Variants in PLPP4 observed in about 807,000 individuals in gnomAD.
The protein encoded by PLPP4 is phospholipid phosphatase 4.
PLPP4 carries 20 observed loss-of-function variants against 32.2 expected under a neutral mutation model. The observed-to-expected ratio is 0.62, with a 90% CI of 0.44 to 0.90. The LOEUF is 0.90. PLPP4 is among the 40% of genes least tolerant of loss of function. The pLI is 0.00. For missense variants in PLPP4, 257 were observed against 353.1 expected (o/e 0.73, Z 2.18); for synonymous variants, 127 against 133.0 (o/e 0.95, Z 0.31).
Position 120,551,000 on chromosome 10 carries a change from A to G in PLPP4, c.446-24131A>G, listed in dbSNP as rs574580566. Among the ~76,000 whole-genome samples, 9 of 152,268 alleles carry G rather than the reference A, an allele frequency of 5.9e-5. No homozygotes were observed. In the East Asian group the frequency reaches 1.5e-3, roughly 26 times the overall value. On this transcript the variant is annotated intron_variant, in intron 5 of 6. Coordinates refer to ENST00000398250, the MANE Select transcript of PLPP4 (RefSeq NM_001030059.3). ...ATATTTACAGTTCATATGTCTCAAA[A>G]GGACTTGTGCATTCATATCCACAAT...
chr10:120,532,548 C>T (rs945927477), intron 5 of PLPP4, among the ~76,000 whole-genome samples: 1 of 152,066 alleles, frequency 6.6e-6, no homozygotes, highest in Non-Finnish European at 1.5e-5. Flanking sequence ...ACAGCATTTG[C>T]ACAATCACCA....
chr10:120,553,545 G>A (rs77989396), intron 5 of PLPP4, among the ~76,000 whole-genome samples: 5,638 of 152,296 alleles, frequency 0.037, 149 homozygotes, highest in Admixed American at 0.087. Flanking sequence ...CCCAGTGTAT[G>A]GTATTTGTTA....
rs530990845 is a variant in PLPP4, at chr10:120,591,465, A to G, written c.*1963A>G. On this transcript the variant is annotated 3_prime_UTR_variant, in exon 7 of 7. Transcript: ENST00000398250. ...TGTGAGATATTTTAAGAGATAAATC[A>G]TAGCAATTGAAAAGACATAATTTTA... Among the ~76,000 whole-genome samples the G allele has an allele frequency of 6.6e-6, 1 of 152,250 alleles. No homozygotes were observed. Among genetic ancestry groups the G allele is most frequent in the South Asian group, 2.1e-4 (1 of 4,836 alleles).
chr10:120,582,198 G>T, intron 6 of PLPP4, among the ~76,000 whole-genome samples: 1 of 152,330 alleles, frequency 6.6e-6, no homozygotes, highest in Middle Eastern at 3.4e-3. Flanking sequence ...TTGTCTCACC[G>T]TTCTGGAGGC....
At chr10:120,463,113 C>T (rs1007619272) in intron 1 of PLPP4, among the ~76,000 whole-genome samples, 4 of 150,894 alleles carry the variant, frequency 2.7e-5, no homozygotes, top group African/African-American at 4.9e-5. Context: ...CTGCAAGCTC[C>T]GCCTCCTGGG....
intron 6 of PLPP4, among the ~76,000 whole-genome samples, chr10:120,584,518 G>A (rs1849664372): frequency 6.6e-6 from 1 of 152,210 alleles, no homozygotes; most frequent in Admixed American, 6.5e-5. Context: ...TACGTAAGGA[G>A]ACAGAAGTAT....
intron 6 of PLPP4, among the ~76,000 whole-genome samples, chr10:120,575,850 A>G (rs1849199277): frequency 6.6e-6 from 1 of 152,164 alleles, no homozygotes; most frequent in South Asian, 2.1e-4. Context: ...ATAACACAAA[A>G]CAAGGGAGGG....
chr10:120,487,572 A>T (rs1361230889), intron 1 of PLPP4, among the ~76,000 whole-genome samples: 3 of 152,192 alleles, frequency 2.0e-5, no homozygotes, highest in Non-Finnish European at 4.4e-5. Context: ...TTGACCTTTA[A>T]ATCAGTTTTT....
intron 5 of PLPP4, among the ~76,000 whole-genome samples, chr10:120,569,482 T>C (rs1467716500): frequency 1.3e-5 from 2 of 152,136 alleles, no homozygotes; most frequent in African/African-American, 4.8e-5. Context: ...GAGTTTATAG[T>C]CTGCTTTTTT....
rs1849968333 is a variant in PLPP4, at chr10:120,590,750, T to C, written c.*1248T>C. 6.6e-6 allele frequency among the ~76,000 whole-genome samples: 1 copy of C among 150,410 alleles called. No individual in the cohort carries two copies. Among genetic ancestry groups the C allele is most frequent in the African/African-American group, 2.4e-5 (1 of 40,828 alleles). ...TGGGTGCTACGAGGTGATGCATCTT[T>C]GCTATCCAGAGTGTCACTTTTTTTT... On this transcript the variant is annotated 3_prime_UTR_variant, in exon 7 of 7. Coordinates refer to ENST00000398250, the MANE Select transcript of PLPP4 (RefSeq NM_001030059.3).
intron 1 of PLPP4, among the ~76,000 whole-genome samples, chr10:120,471,959 CT>C (rs1848536327): frequency 6.6e-6 from 1 of 151,974 alleles, no homozygotes; most frequent in South Asian, 2.1e-4. Flanking sequence ...ATCATCTTCC[CT>C]GTGTCATTTA....
At chr10:120,467,744 C>T (rs1417708737) in intron 1 of PLPP4, among the ~76,000 whole-genome samples, 1 of 64,898 alleles carries the variant, frequency 1.5e-5, no homozygotes, top group African/African-American at 3.3e-5. Context: ...TTTATGTTAA[C>T]TTTTATTTTA....
intron 5 of PLPP4, among the ~76,000 whole-genome samples, chr10:120,545,441 T>C (rs1457620161): frequency 6.6e-6 from 1 of 152,220 alleles, no homozygotes; most frequent in African/African-American, 2.4e-5. Context: ...ATTGCCCTGA[T>C]AGTTTTTCTG....
chr10:120,469,437 C>T (rs1261489924), intron 1 of PLPP4, among the ~76,000 whole-genome samples: 1 of 152,048 alleles, frequency 6.6e-6, no homozygotes, highest in Non-Finnish European at 1.5e-5. Context: ...CCGTGTTAGC[C>T]AGGATGGTCT....
chr10:120,494,877 G>A (rs1030100068), intron 1 of PLPP4, among the ~76,000 whole-genome samples: 2 of 152,178 alleles, frequency 1.3e-5, no homozygotes, highest in Non-Finnish European at 2.9e-5. Flanking sequence ...AGTGAGACTG[G>A]AGATCGACAT....
At position 120,469,181 on chromosome 10, in the gene PLPP4, A is replaced by G. The variant is rs1848407981; in HGVS notation, c.56+11820A>G. ...AAACGTGGTGAAATTTTATGATGTA[A>G]TAGTTAAGGAAAAGCACTATACAAA... On this transcript the variant is annotated intron_variant, in intron 1 of 6. Transcript: ENST00000398250. Among the ~76,000 whole-genome samples the G allele has an allele frequency of 3.1e-5, 2 of 63,674 alleles. 1 individual carries two copies. The highest frequency in any genetic ancestry group is 6.7e-5 in the African/African-American group (2 of 29,858). 41.8% of individuals were successfully genotyped at this position (63,674 alleles called of 152,430 possible).
At chr10:120,551,924 A>G (rs928933761) in intron 5 of PLPP4, among the ~76,000 whole-genome samples, 2 of 152,254 alleles carry the variant, frequency 1.3e-5, no homozygotes, top group Admixed American at 1.3e-4. Context: ...TCTGTTTTTC[A>G]TAAGCCTATT....
intron 1 of PLPP4, among the ~76,000 whole-genome samples, chr10:120,483,406 C>A (rs2133821635): frequency 6.6e-6 from 1 of 152,224 alleles, no homozygotes; most frequent in East Asian, 1.9e-4. Flanking sequence ...CTAGAGAACC[C>A]TGATTAATAC....
Position 120,581,311 on chromosome 10 carries a change from C to A in PLPP4, c.616+6010C>A. On this transcript the variant is annotated intron_variant, in intron 6 of 6. Coordinates refer to ENST00000398250, the MANE Select transcript of PLPP4 (RefSeq NM_001030059.3). ...CTCCTGCTCAGCATATTTATAGACT[C>A]CAACTTTTCCTTCCCACTCTGGTCT... 3.0e-6 allele frequency: 3 copies of A among 985,322 alleles called. No homozygotes were observed. In the South Asian group the frequency reaches 1.4e-4, roughly 46 times the overall value. 61.0% of individuals were successfully genotyped at this position (985,322 alleles called of 1,614,324 possible).
Sources: gnomAD v4.1 joint callset for allele counts (sites outside exome capture counted in the v4.1 genomes callset) on GRCh38, gnomAD v4.1.1 for gene constraint, MANE v1.5 for transcripts, NCBI Gene and HGNC (gene_info 2026-07-23, HGNC 2026-07-21) for gene names.